The following GABRA1 variants were observed in gnomAD, a reference collection of about 807,000 sequenced individuals.
The protein encoded by GABRA1 is gamma-aminobutyric acid receptor subunit alpha-1.
A neutral mutation model predicts 48.9 loss-of-function variants in GABRA1; 9 were observed. The ratio of observed to expected loss-of-function variants is 0.18; its 90% CI spans 0.11 to 0.32. The LOEUF is 0.32. Ranked by LOEUF, GABRA1 falls within the 10% of genes least tolerant of loss-of-function variation. The pLI is 1.00. For synonymous variants in GABRA1, 210 were observed against 198.7 expected, an observed-to-expected ratio of 1.06 and a Z score of -0.48; for missense variants, 285 against 553.8, an observed-to-expected ratio of 0.51 and a Z score of 4.87.
chr5:161,855,938 T>C (rs942931913), intron 3 of GABRA1, among the ~76,000 whole-genome samples: 55 of 151,506 alleles, frequency 3.6e-4, no homozygotes, highest in African/African-American at 1.3e-3. Flanking sequence ...TTGACAGATT[T>C]GTGCATCATC....
At chr5:161,857,311 G>C (rs1462437735) in intron 3 of GABRA1, among the ~76,000 whole-genome samples, 1 of 151,352 alleles carries the variant, frequency 6.6e-6, no homozygotes, top group Non-Finnish European at 1.5e-5. Flanking sequence ...AATGTGATAA[G>C]CTGAGACTTG....
At chr5:161,867,596 A>G (rs1753925660) in intron 4 of GABRA1, among the ~76,000 whole-genome samples, 1 of 152,112 alleles carries the variant, frequency 6.6e-6, no homozygotes, top group African/African-American at 2.4e-5. Flanking sequence ...TTTAAATGAG[A>G]TGTGCAAATA....
intron 4 of GABRA1, among the ~76,000 whole-genome samples, chr5:161,871,083 A>G (rs1754100024): frequency 6.6e-6 from 1 of 152,066 alleles, no homozygotes; most frequent in African/African-American, 2.4e-5. Flanking sequence ...CTGGTGACAA[A>G]CACAATAAAC....
intron 7 of GABRA1, among the ~76,000 whole-genome samples, chr5:161,882,934 A>C (rs1404183832): frequency 6.6e-6 from 1 of 152,178 alleles, no homozygotes; most frequent in African/African-American, 2.4e-5. Flanking sequence ...GAAACTGGCT[A>C]TAAGTAATTA....
chr5:161,896,510 A>G (rs559711761), intron 9 of GABRA1, among the ~76,000 whole-genome samples: 19 of 152,316 alleles, frequency 1.2e-4, no homozygotes, highest in Admixed American at 9.2e-4. Context: ...TTTATGTCAC[A>G]GCTTGGGAGG....
chr5:161,893,179 A>G (rs2113455556), intron 8 of GABRA1, among the ~76,000 whole-genome samples: 1 of 152,094 alleles, frequency 6.6e-6, no homozygotes, highest in Admixed American at 6.6e-5. Context: ...TTTTGATTTG[A>G]AAATTATTTA....
Position 161,897,462 on chromosome 5 carries a change from G to A in GABRA1, c.*40G>A, listed in dbSNP as rs1167781818. Reference sequence around the variant, plus strand: ...TTCTGTTGTTCAGTCCTCTGCACTGGGAATTTATTTATGTTCTCAACGCAG... The same window carrying A: ...TTCTGTTGTTCAGTCCTCTGCACTGAGAATTTATTTATGTTCTCAACGCAG... On this transcript the variant is annotated 3_prime_UTR_variant, in exon 10 of 10. Transcript: ENST00000393943. 7 of 1,539,720 alleles carry A rather than the reference G, an allele frequency of 4.5e-6. No homozygotes were observed. In the Admixed American group the frequency reaches 8.4e-5, roughly 18 times the overall value.
At chr5:161,870,995 T>TGA (rs1491082963) in intron 4 of GABRA1, among the ~76,000 whole-genome samples, 1 of 132,824 alleles carries the variant, frequency 7.5e-6, no homozygotes, top group Non-Finnish European at 1.6e-5. Context: ...TGTGTGTGTG[T>TGA]GACTGGTACA....
chr5:161,854,545 T>C (rs1173831539), intron 3 of GABRA1, among the ~76,000 whole-genome samples: 1 of 151,746 alleles, frequency 6.6e-6, no homozygotes, highest in Non-Finnish European at 1.5e-5. Context: ...GATTTTATCA[T>C]ATAGGTAAAA....
chr5:161,880,462 G>T (rs1328535074), intron 6 of GABRA1, among the ~76,000 whole-genome samples: 3 of 152,106 alleles, frequency 2.0e-5, no homozygotes, highest in African/African-American at 7.2e-5. Context: ...ACACAGTACT[G>T]CTATACACAA....
At chr5:161,861,137 C>T (rs571021289) in intron 3 of GABRA1, among the ~76,000 whole-genome samples, 55 of 151,758 alleles carry the variant, frequency 3.6e-4, no homozygotes, top group African/African-American at 1.2e-3. Context: ...GTATTATTCT[C>T]GTATAACAAA....
chr5:161,882,123 C>A (rs973318271), intron 6 of GABRA1: 1 of 227,012 alleles, frequency 4.4e-6, no homozygotes, highest in East Asian at 1.1e-4. Flanking sequence ...TCTGTCTGAG[C>A]CCCTTACCTT....
At chr5:161,863,641 G>A (rs957181953) in intron 3 of GABRA1, among the ~76,000 whole-genome samples, 3 of 152,032 alleles carry the variant, frequency 2.0e-5, no homozygotes, top group African/African-American at 7.2e-5. Flanking sequence ...TTTGGGCGGG[G>A]ACAAATATCC....
chr5:161,873,376 A>G, intron 5 of GABRA1, 39 bp downstream of exon 5: 1 of 1,483,086 alleles, frequency 6.7e-7, no homozygotes, highest in South Asian at 1.1e-5. Flanking sequence ...ATGTTTCTGT[A>G]CTTCATTCCC....
At chr5:161,894,905 T>C (rs1008917210) in intron 8 of GABRA1, among the ~76,000 whole-genome samples, 4 of 96,404 alleles carry the variant, frequency 4.1e-5, no homozygotes, top group African/African-American at 1.5e-4. Context: ...GAGGCAGTCT[T>C]ATCAGAAAGA....
intron 7 of GABRA1, 99 bp from the exon 8 acceptor site, chr5:161,890,799 G>A (rs748540999): frequency 1.3e-5 from 14 of 1,055,716 alleles, no homozygotes; most frequent in Non-Finnish European, 1.9e-5. Flanking sequence ...GAGAAAGGAT[G>A]TGTCTAATTC....
chr5:161,895,653 T>C lies in GABRA1; in HGVS notation c.857-13T>C. 2.5e-6 allele frequency: 4 copies of C among 1,611,818 alleles called. No individual in the cohort carries two copies. The highest frequency in any genetic ancestry group is 3.4e-6 in the Non-Finnish European group (4 of 1,178,424). The stretch of plus-strand genomic sequence containing the variant: ...TGAACTGGCATCATGTATGTTTTTT[T>C]TTTTCTTTACAGGAGTAACAACTGT... On this transcript the variant is annotated splice_polypyrimidine_tract_variant and intron_variant, in intron 8 of 9. Transcript: ENST00000393943.
chr5:161,854,026 T>G lies in GABRA1; in HGVS notation c.75-132T>G. 7.4e-6 allele frequency: 4 copies of G among 538,758 alleles called. No homozygotes were observed. In the South Asian group the frequency reaches 1.2e-4, roughly 16 times the overall value. 33.4% of individuals were successfully genotyped at this position (538,758 alleles called of 1,614,324 possible). On this transcript the variant is annotated intron_variant, in intron 2 of 9. Coordinates refer to ENST00000393943, the MANE Select transcript of GABRA1 (RefSeq NM_001127644.2). ...TTAAAAATAACATTCCTTTTTACCT[T>G]GTGAAAAAATAATTTTCAAGTTAAG... is the stretch of plus-strand genomic sequence containing the variant.
At chr5:161,863,654 A>T (rs183281699) in intron 3 of GABRA1, among the ~76,000 whole-genome samples, 64 of 152,044 alleles carry the variant, frequency 4.2e-4, no homozygotes, top group Admixed American at 1.1e-3. Context: ...AAATATCCAA[A>T]CCATATGAGT....
Sources: gnomAD v4.1 joint callset for allele counts (sites outside exome capture counted in the v4.1 genomes callset) on GRCh38, gnomAD v4.1.1 for gene constraint, MANE v1.5 for transcripts, NCBI Gene and HGNC (gene_info 2026-07-23, HGNC 2026-07-21) for gene names.